PAMR1: variants seen among roughly 807,000 people sequenced by gnomAD.
PAMR1 encodes peptidase domain containing associated with muscle regeneration 1.
A neutral mutation model predicts 81.8 loss-of-function variants in PAMR1; 88 were observed. The observed-to-expected ratio is 1.08, with a 90% CI of 0.91 to 1.28. PAMR1 has a LOEUF of 1.28. Among genes scored for constraint, PAMR1 ranks in the 50% most tolerant of loss-of-function variants. PAMR1 has a pLI of 0.00. For missense variants in PAMR1, 935 were observed against 919.7 expected (o/e 1.02, Z -0.21); for synonymous variants, 336 against 345.3 (o/e 0.97, Z 0.30).
intron 6 of PAMR1, among the ~76,000 whole-genome samples, chr11:35,444,685 C>G (rs952803804): frequency 1.3e-5 from 2 of 152,086 alleles, no homozygotes; most frequent in African/African-American, 4.8e-5. Context: ...GGTCTCTGTT[C>G]TGTTCCATTG....
chr11:35,525,910 G>A (rs942245479), upstream of PAMR1: 2 of 403,520 alleles, frequency 5.0e-6, no homozygotes, highest in East Asian at 4.7e-5. Context: ...CCCAGTGTTG[G>A]GTGCTGGGAG....
intron 6 of PAMR1, among the ~76,000 whole-genome samples, chr11:35,458,779 C>T (rs1485381836): frequency 6.6e-6 from 1 of 152,218 alleles, no homozygotes; most frequent in Non-Finnish European, 1.5e-5. Flanking sequence ...CTCATCAGGG[C>T]ATTGTTCATC....
chr11:35,525,798 C>T, upstream of PAMR1: 1 of 586,108 alleles, frequency 1.7e-6, no homozygotes, highest in East Asian at 2.8e-5. Flanking sequence ...CTGCCTTAAC[C>T]CTTGCGGGGC....
chr11:35,486,229 T>C (rs1357079913), intron 3 of PAMR1, among the ~76,000 whole-genome samples: 2 of 152,208 alleles, frequency 1.3e-5, no homozygotes, highest in Non-Finnish European at 2.9e-5. Context: ...AGTGGTAACA[T>C]ACACTGTGTG....
chr11:35,494,028 T>A, intron 2 of PAMR1, 68 bp downstream of exon 2: 1 of 1,275,730 alleles, frequency 7.8e-7, no homozygotes, highest in Non-Finnish European at 1.1e-6. Flanking sequence ...ATTCAGGCGT[T>A]CAGCCTGTTC....
intron 3 of PAMR1, among the ~76,000 whole-genome samples, chr11:35,479,893 C>A (rs374124187): frequency 3.7e-4 from 56 of 152,298 alleles, no homozygotes; most frequent in African/African-American, 1.3e-3. Context: ...TGAGTCAGTA[C>A]AGGAAGGTAC....
intron 1 of PAMR1, among the ~76,000 whole-genome samples, chr11:35,517,856 G>C (rs1299018064): frequency 6.6e-6 from 1 of 152,180 alleles, no homozygotes; most frequent in Non-Finnish European, 1.5e-5. Flanking sequence ...GGCTTGATAA[G>C]GATTACTAAA....
At chr11:35,437,382 C>T (rs529124643) in intron 8 of PAMR1, among the ~76,000 whole-genome samples, 15 of 152,362 alleles carry the variant, frequency 9.8e-5, no homozygotes, top group African/African-American at 3.4e-4. Context: ...TGGTGTCCCC[C>T]CAATACCAAT....
At chr11:35,527,177 C>A (rs535755727), upstream of PAMR1, among the ~76,000 whole-genome samples, 1 of 152,156 alleles carries the variant, frequency 6.6e-6, no homozygotes, top group Non-Finnish European at 1.5e-5. Flanking sequence ...TGACTGGAAG[C>A]AAGAACTCAG....
At chr11:35,519,778 C>T (rs571171309) in intron 1 of PAMR1, among the ~76,000 whole-genome samples, 3 of 152,172 alleles carry the variant, frequency 2.0e-5, no homozygotes, top group South Asian at 2.1e-4. Flanking sequence ...ATCAGACACC[C>T]TTACTAACAC....
rs7121188 is a variant in PAMR1, at chr11:35,494,628, C to T, written c.74-356G>A. ...GATTCCAGGCGTGAGCCACCGCACC[C>T]GGCCCAGGGAGTGGTAAGACTCTTA... is the stretch of plus-strand genomic sequence containing the variant. On this transcript the variant is annotated intron_variant, in intron 1 of 10. Coordinates refer to ENST00000619888, the MANE Select transcript of PAMR1 (RefSeq NM_001001991.3). Among the ~76,000 whole-genome samples the T allele has an allele frequency of 4.9e-3, 741 of 152,282 alleles. 4 individuals are homozygous for T. The highest frequency in any genetic ancestry group is 0.017 in the African/African-American group (702 of 41,546).
chr11:35,437,755 T>C (rs1176498208), intron 8 of PAMR1, among the ~76,000 whole-genome samples: 2 of 152,260 alleles, frequency 1.3e-5, no homozygotes, highest in African/African-American at 2.4e-5. Flanking sequence ...CCAGTAGTCT[T>C]TCTGAATAGT....
intron 1 of PAMR1, among the ~76,000 whole-genome samples, chr11:35,518,370 G>T (rs1851208445): frequency 6.6e-6 from 1 of 151,722 alleles, no homozygotes; most frequent in Non-Finnish European, 1.5e-5. Context: ...GGGATCCCAT[G>T]GTGGATGCAA....
At chr11:35,497,599 G>A (rs1280433043) in intron 1 of PAMR1, among the ~76,000 whole-genome samples, 9 of 152,122 alleles carry the variant, frequency 5.9e-5, no homozygotes, top group Non-Finnish European at 1.0e-4. Context: ...CTCCTCCTCT[G>A]ATTATCTGCA....
chr11:35,480,001 G>C (rs1186812172), intron 3 of PAMR1, among the ~76,000 whole-genome samples: 1 of 152,176 alleles, frequency 6.6e-6, no homozygotes, highest in Non-Finnish European at 1.5e-5. Flanking sequence ...AGCTCAGCCT[G>C]TGAGTTGACA....
chr11:35,470,746 G>A lies in PAMR1; in HGVS notation c.567C>T (p.Asn189=). ...YDYVEVRDGD[N]RDGQIIKRVC... ...CACGCTTGATGATCTGGCCATCGCG[G>A]TTGTCTCCATCACGAACCTCAACAT... Residue 189 remains asparagine (N), a synonymous_variant, in exon 5 of 11, where the codon AAC becomes AAT. Coordinates refer to ENST00000619888, the MANE Select transcript of PAMR1 (RefSeq NM_001001991.3). The A allele has an allele frequency of 6.2e-7, 1 of 1,614,096 alleles. No homozygotes were observed. The highest frequency in any genetic ancestry group is 8.5e-7 in the Non-Finnish European group (1 of 1,179,990).
At chr11:35,509,347 T>C (rs926884293) in intron 1 of PAMR1, among the ~76,000 whole-genome samples, 37 of 152,250 alleles carry the variant, frequency 2.4e-4, no homozygotes, top group African/African-American at 6.5e-4. Flanking sequence ...GCATTTTTTT[T>C]CCCCTTGATC....
intron 3 of PAMR1, among the ~76,000 whole-genome samples, chr11:35,482,706 T>C (rs567241855): frequency 6.6e-6 from 1 of 152,334 alleles, no homozygotes; most frequent in South Asian, 2.1e-4. Flanking sequence ...TCCTCGCTCA[T>C]TTCCTTGAGC....
chr11:35,469,085 A>G (rs1241160339), intron 5 of PAMR1, among the ~76,000 whole-genome samples: 1 of 152,248 alleles, frequency 6.6e-6, no homozygotes, highest in Non-Finnish European at 1.5e-5. Context: ...AAGACATTCA[A>G]AAAAGGGCAA....
Sources: gnomAD v4.1 joint callset for allele counts (sites outside exome capture counted in the v4.1 genomes callset) on GRCh38, gnomAD v4.1.1 for gene constraint, MANE v1.5 for transcripts, NCBI Gene and HGNC (gene_info 2026-07-23, HGNC 2026-07-21) for gene names.